The following PCDHA12 variants were observed in gnomAD, a reference collection of about 807,000 sequenced individuals.
PCDHA12 encodes the protein protocadherin alpha-12.
Under a neutral mutation model 60.0 loss-of-function variants are expected in PCDHA12, and 44 were observed. That is an observed-to-expected ratio of 0.73 (90% CI 0.58 to 0.94). PCDHA12 has a LOEUF of 0.94. PCDHA12 is among the 40% of genes least tolerant of loss of function. The probability of loss-of-function intolerance (pLI) is 0.00; values close to 1 mark genes in which losing one functional copy is unlikely to be tolerated. For synonymous variants in PCDHA12, 569 were observed against 553.0 expected (o/e 1.03, Z -0.40); for missense variants, 1,276 against 1,239.7 (o/e 1.03, Z -0.44).
chr5:140,896,738 T>C (rs2065731964), intron 1 of PCDHA12, among the ~76,000 whole-genome samples: 2 of 152,180 alleles, frequency 1.3e-5, no homozygotes, highest in African/African-American at 4.8e-5. Context: ...AAGTTCCTTA[T>C]AGATTCTGGA....
intron 1 of PCDHA12, among the ~76,000 whole-genome samples, chr5:140,888,848 CAG>C (rs1554183676): frequency 6.6e-6 from 1 of 151,980 alleles, no homozygotes; most frequent in African/African-American, 2.4e-5. Context: ...AGCCTGGTGA[CAG>C]AGTGAGACCA....
At chr5:140,982,159 G>A (rs1466298378) in intron 2 of PCDHA12, among the ~76,000 whole-genome samples, 1 of 152,262 alleles carries the variant, frequency 6.6e-6, no homozygotes, top group African/African-American at 2.4e-5. Flanking sequence ...GTATCGAGAT[G>A]TTAAAATGGC....
chr5:140,907,066 G>A (rs748785005), intron 1 of PCDHA12, among the ~76,000 whole-genome samples: 6 of 152,096 alleles, frequency 3.9e-5, no homozygotes, highest in Non-Finnish European at 8.8e-5. Context: ...TTTACTAGTG[G>A]GTCACTAGGG....
At chr5:140,971,624 T>C (rs2153790714) in intron 1 of PCDHA12, among the ~76,000 whole-genome samples, 1 of 152,254 alleles carries the variant, frequency 6.6e-6, no homozygotes, top group East Asian at 1.9e-4. Flanking sequence ...TGGGGTACAA[T>C]TAGTACCATG....
At chr5:140,923,983 T>C (rs1180891950) in intron 1 of PCDHA12, among the ~76,000 whole-genome samples, 1 of 152,220 alleles carries the variant, frequency 6.6e-6, no homozygotes, top group African/African-American at 2.4e-5. Context: ...ACTATCCCTC[T>C]AGGTGCAGCT....
intron 1 of PCDHA12, among the ~76,000 whole-genome samples, chr5:140,940,974 A>G (rs1206597858): frequency 6.6e-6 from 1 of 152,220 alleles, no homozygotes; most frequent in Non-Finnish European, 1.5e-5. Flanking sequence ...GATATCTGGT[A>G]TCTAGTTACA....
intron 1 of PCDHA12, among the ~76,000 whole-genome samples, chr5:140,923,795 A>C (rs1282849925): frequency 6.6e-6 from 1 of 152,360 alleles, no homozygotes; most frequent in African/African-American, 2.4e-5. Context: ...CATTCTTTTC[A>C]CAAATGAAAT....
At position 140,943,494 on chromosome 5, in the gene PCDHA12, A is replaced by G. The variant is rs1046059269; in HGVS notation, c.2368-35455A>G. ...TACAGTAAAATAATAAATAGATGCT[A>G]TCAAGGTTCATGGAAATGTTGAGTT... is the stretch of plus-strand genomic sequence containing the variant. On this transcript the variant is annotated intron_variant, in intron 1 of 3. Transcript: ENST00000398631. Among the ~76,000 whole-genome samples, 4 of 152,132 alleles carry G rather than the reference A, an allele frequency of 2.6e-5. No homozygotes were observed. The East Asian group carries it at 5.8e-4, about 22-fold the overall frequency.
chr5:140,940,988 T>G (rs2092713422), intron 1 of PCDHA12, among the ~76,000 whole-genome samples: 1 of 152,206 alleles, frequency 6.6e-6, no homozygotes, highest in African/African-American at 2.4e-5. Flanking sequence ...AGTTACAAGT[T>G]TATAGGATTA....
intron 1 of PCDHA12, among the ~76,000 whole-genome samples, chr5:140,902,253 G>T (rs1170626795): frequency 1.4e-5 from 2 of 144,500 alleles, no homozygotes; most frequent in Non-Finnish European, 3.0e-5. Flanking sequence ...GCCCAGGCTG[G>T]TCTCGAACTC....
chr5:140,997,123 A>T (rs1409528818), intron 3 of PCDHA12, among the ~76,000 whole-genome samples: 1 of 152,070 alleles, frequency 6.6e-6, no homozygotes, highest in African/African-American at 2.4e-5. Flanking sequence ...TCCCACATAC[A>T]CAATGCCCCC....
At chr5:140,965,033 T>C (rs1563339344) in intron 1 of PCDHA12, among the ~76,000 whole-genome samples, 2 of 152,192 alleles carry the variant, frequency 1.3e-5, no homozygotes, top group African/African-American at 4.8e-5. Flanking sequence ...CCTTTAACTG[T>C]CCGCTCTAGG....
chr5:140,926,842 G>A (rs1388239431), intron 1 of PCDHA12: 1 of 1,514,684 alleles, frequency 6.6e-7, no homozygotes, highest in Non-Finnish European at 8.8e-7. Flanking sequence ...GCATGGTCCT[G>A]GGTCACCGTT....
At chr5:140,917,127 C>T (rs1286418907) in intron 1 of PCDHA12, among the ~76,000 whole-genome samples, 1 of 152,072 alleles carries the variant, frequency 6.6e-6, no homozygotes, top group African/African-American at 2.4e-5. Context: ...CGCAGACTCC[C>T]CACGTTGCTC....
chr5:140,985,792 T>G (rs1043772430), intron 3 of PCDHA12, among the ~76,000 whole-genome samples: 1 of 142,326 alleles, frequency 7.0e-6, no homozygotes. Flanking sequence ...CAGGCTGGAG[T>G]GCAGTGGCAC....
chr5:140,975,861 T>G (rs782026072), intron 1 of PCDHA12, among the ~76,000 whole-genome samples: 8 of 152,192 alleles, frequency 5.3e-5, no homozygotes, highest in Non-Finnish European at 8.8e-5. Flanking sequence ...ATCACCCATA[T>G]GGACTACCTA....
rs1278190743 is a variant in PCDHA12, at chr5:140,891,784, G to C, written c.2367+13945G>C. 2.0e-5 allele frequency among the ~76,000 whole-genome samples: 3 copies of C among 152,152 alleles called. No homozygotes were observed. In the East Asian group the frequency reaches 5.8e-4, roughly 29 times the overall value. On this transcript the variant is annotated intron_variant, in intron 1 of 3. Coordinates refer to ENST00000398631, the MANE Select transcript of PCDHA12 (RefSeq NM_018903.4). ...GGTGGGGAATTTCAGGAAATGTTTA[G>C]ATTATGAGGGATCTGCCCTCATGAA...
At chr5:140,882,768 C>CA in intron 1 of PCDHA12, 1 of 1,614,222 alleles carries the variant, frequency 6.2e-7, no homozygotes, top group Non-Finnish European at 8.5e-7. Flanking sequence ...GTAAACTCGG[C>CA]ATTGACCTAC....
Position 140,920,248 on chromosome 5 carries a change from C to T in PCDHA12, c.2367+42409C>T, listed in dbSNP as rs77829363. 2.9e-3 allele frequency among the ~76,000 whole-genome samples: 443 copies of T among 152,218 alleles called. 1 individual carries two copies. The highest frequency in any genetic ancestry group is 0.01 in the African/African-American group (423 of 41,510). Reference sequence around the variant, plus strand: ...TAGTATTATATACCCAACAATACATCGCTATAATAATTATTACTTTATGTA... The same window carrying T: ...TAGTATTATATACCCAACAATACATTGCTATAATAATTATTACTTTATGTA... On this transcript the variant is annotated intron_variant, in intron 1 of 3. Coordinates refer to ENST00000398631, the MANE Select transcript of PCDHA12 (RefSeq NM_018903.4).
Sources: gnomAD v4.1 joint callset for allele counts (sites outside exome capture counted in the v4.1 genomes callset) on GRCh38, gnomAD v4.1.1 for gene constraint, MANE v1.5 for transcripts, NCBI Gene and HGNC (gene_info 2026-07-23, HGNC 2026-07-21) for gene names.